The following ATP1A4 variants were observed in gnomAD, a reference collection of about 807,000 sequenced individuals.
ATP1A4 encodes the protein ATPase Na+/K+ transporting subunit alpha 4, also known as sodium/potassium-transporting ATPase subunit alpha-4.
ATP1A4 carries 90 observed loss-of-function variants against 114.3 expected under a neutral mutation model. That is an observed-to-expected ratio of 0.79 (90% CI 0.66 to 0.94). The LOEUF (loss-of-function observed/expected upper bound fraction) is 0.94. Among genes scored for constraint, ATP1A4 ranks in the 40% least tolerant of loss-of-function variants. The probability of loss-of-function intolerance (pLI) is 0.00; values close to 1 mark genes in which losing one functional copy is unlikely to be tolerated. For synonymous variants in ATP1A4, 511 were observed against 494.1 expected, an observed-to-expected ratio of 1.03 and a Z score of -0.45; for missense variants, 1,222 against 1,313.6, an observed-to-expected ratio of 0.93 and a Z score of 1.08.
At chr1:160,177,252 T>C (rs1653501529) in intron 17 of ATP1A4, among the ~76,000 whole-genome samples, 2 of 152,198 alleles carry the variant, frequency 1.3e-5, no homozygotes, top group African/African-American at 2.4e-5. Context: ...CAGTGGCCTC[T>C]AAAGTCCTTT....
intron 18 of ATP1A4, among the ~76,000 whole-genome samples, chr1:160,180,405 CT>C (rs5778155): frequency 0.37 from 56,140 of 151,930 alleles, 11,388 homozygotes; most frequent in East Asian, 0.72. Flanking sequence ...AAAACAGAAG[CT>C]TTTTCTCTCC....
rs777007153 is a variant in ATP1A4, at chr1:160,152,194, C to A, written c.147+7C>A. On this transcript the variant is annotated splice_region_variant and intron_variant, in intron 1 of 21. Coordinates refer to ENST00000368081, the MANE Select transcript of ATP1A4 (RefSeq NM_144699.4). ...GAAGAAGGAAGTGGTCATGGTGAGG[C>A]CACCCAAAGTGGGCGCTGACAGCTG... is the stretch of plus-strand genomic sequence containing the variant. The A allele has an allele frequency of 1.9e-6, 3 of 1,612,108 alleles. No individual in the cohort carries two copies. Among genetic ancestry groups the A allele is most frequent in the Non-Finnish European group, 2.5e-6 (3 of 1,179,536 alleles).
rs705843 is a variant in ATP1A4 at position 160,172,324 on chromosome 1, C to T, written c.1854+567C>T. Among the ~76,000 whole-genome samples the T allele has an allele frequency of 3.1e-4, 47 of 152,130 alleles. 1 individual carries two copies. The South Asian group carries it at 9.5e-3, about 31-fold the overall frequency. On this transcript the variant is annotated intron_variant, in intron 12 of 21. Coordinates refer to ENST00000368081, the MANE Select transcript of ATP1A4 (RefSeq NM_144699.4). Reference sequence around the variant, plus strand: ...GCGGTAAAAGGGTGAGGCTAGGAGGCCTGGGGCTCTGGACCAGGCAATAGT... The same window carrying T: ...GCGGTAAAAGGGTGAGGCTAGGAGGTCTGGGGCTCTGGACCAGGCAATAGT...
In ATP1A4 at chr1:160,171,304, G is replaced by A. The variant is rs765819014; in HGVS notation, c.1545G>A (p.Lys515=). 8.1e-6 allele frequency: 13 copies of A among 1,614,102 alleles called. No individual in the cohort carries two copies. The highest frequency in any genetic ancestry group is 3.3e-5 in the Admixed American group (2 of 60,002). Reference sequence around the variant, plus strand: ...CCCAGACCCACGTACTGATGATGAAGGGTGCTCCGGAGAGGATCTTGGAGT... The same window carrying A: ...CCCAGACCCACGTACTGATGATGAAAGGTGCTCCGGAGAGGATCTTGGAGT... ...DSSQTHVLMM[K]GAPERILEFC... Residue 515 remains lysine, a synonymous_variant, in exon 11 of 22, where the codon AAG becomes AAA. Coordinates refer to ENST00000368081, the MANE Select transcript of ATP1A4 (RefSeq NM_144699.4).
intron 6 of ATP1A4, among the ~76,000 whole-genome samples, chr1:160,163,387 A>G (rs7554223): frequency 0.051 from 7,827 of 152,278 alleles, 552 homozygotes; most frequent in African/African-American, 0.16. Flanking sequence ...GACCCCAGTC[A>G]CAAGTCCTAG....
At chr1:160,183,712 C>T (rs1653785769) in intron 20 of ATP1A4, among the ~76,000 whole-genome samples, 1 of 152,182 alleles carries the variant, frequency 6.6e-6, no homozygotes, top group Non-Finnish European at 1.5e-5. Flanking sequence ...GTGCTTTTGA[C>T]ATATGAGACT....
chr1:160,180,919 T>C (rs1157691065), intron 18 of ATP1A4, among the ~76,000 whole-genome samples: 1 of 151,952 alleles, frequency 6.6e-6, no homozygotes, highest in East Asian at 1.9e-4. Context: ...TTTCATTGTG[T>C]TAGCCAGGAT....
At chr1:160,186,237 C>T in intron 20 of ATP1A4, 39 bp from the exon 21 acceptor site, 1 of 1,424,216 alleles carries the variant, frequency 7.0e-7, no homozygotes, top group South Asian at 1.1e-5. Context: ...TCTGGCATCT[C>T]TCTCTCCTGC....
chr1:160,160,075 T>C (rs1156747941), intron 6 of ATP1A4, among the ~76,000 whole-genome samples: 1 of 152,166 alleles, frequency 6.6e-6, no homozygotes, highest in Non-Finnish European at 1.5e-5. Flanking sequence ...AAAGTGGTAA[T>C]AAAAAGGGAC....
chr1:160,166,900 G>C (rs1653059798), intron 8 of ATP1A4, 68 bp from the exon 9 acceptor site: 2 of 1,545,454 alleles, frequency 1.3e-6, no homozygotes, highest in Non-Finnish European at 1.8e-6. Context: ...GTGCCAAAGA[G>C]GATGTGAATA....
intron 6 of ATP1A4, 43 bp from the exon 7 acceptor site, chr1:160,164,113 T>C (rs1652949089): frequency 6.2e-7 from 1 of 1,600,498 alleles, no homozygotes; most frequent in Non-Finnish European, 8.5e-7. Flanking sequence ...ATACTTCTTA[T>C]CATATCACAA....
chr1:160,158,772 T>C (rs925476253), intron 4 of ATP1A4, among the ~76,000 whole-genome samples: 4 of 152,148 alleles, frequency 2.6e-5, no homozygotes, highest in African/African-American at 7.2e-5. Flanking sequence ...GGTAGAGAGA[T>C]AGACTCCACC....
At chr1:160,171,530 GA>G in intron 11 of ATP1A4, 54 bp from the exon 12 acceptor site, 1 of 1,599,918 alleles carries the variant, frequency 6.3e-7, no homozygotes, top group South Asian at 1.1e-5. Context: ...GGGGTAAGCA[GA>G]TAGGAATGTA....
At chr1:160,167,556 C>T (rs1653086202) in intron 10 of ATP1A4, 144 bp downstream of exon 10, 2 of 1,137,316 alleles carry the variant, frequency 1.8e-6, no homozygotes, top group Non-Finnish European at 2.5e-6. Flanking sequence ...ACGGAAGACT[C>T]ACATCAAGAG....
At chr1:160,182,857 G>A (rs566134723) in intron 20 of ATP1A4, 12 of 152,238 alleles carry the variant, frequency 7.9e-5, no homozygotes, top group Admixed American at 5.9e-4. Flanking sequence ...ATTTTTAGTA[G>A]AGACGTGGTT....
At chr1:160,169,137 C>A (rs542564106) in intron 10 of ATP1A4, among the ~76,000 whole-genome samples, 3 of 152,234 alleles carry the variant, frequency 2.0e-5, no homozygotes, top group Non-Finnish European at 4.4e-5. Flanking sequence ...CAAGCTCTGG[C>A]AGGCACTTGT....
chr1:160,181,555 C>CAA (rs36029758), intron 18 of ATP1A4, 129 bp from the exon 19 acceptor site: 758 of 816,568 alleles, frequency 9.3e-4, no homozygotes, highest in Non-Finnish European at 1.0e-3. Context: ...GACTTAGTCT[C>CAA]AAAAAAAAAA....
intron 20 of ATP1A4, among the ~76,000 whole-genome samples, chr1:160,184,157 T>C (rs1174590187): frequency 6.6e-6 from 1 of 152,092 alleles, no homozygotes; most frequent in African/African-American, 2.4e-5. Context: ...TTCTTCATGT[T>C]GGTCAGGCTG....
rs55860376 is a variant in ATP1A4 at position 160,174,570 on chromosome 1, C to T, written c.2143-9C>T. 3.1e-6 allele frequency: 5 copies of T among 1,611,834 alleles called. No individual in the cohort carries two copies. The highest frequency in any genetic ancestry group is 4.2e-6 in the Non-Finnish European group (5 of 1,178,246). On this transcript the variant is annotated splice_polypyrimidine_tract_variant and intron_variant, in intron 14 of 21. Coordinates refer to ENST00000368081, the MANE Select transcript of ATP1A4 (RefSeq NM_144699.4). ...AAATTGTTCACTCTCTCTGTCTGGACTTCCTCAGGGAGCCGTTGTGGCCGT... is the reference window on the plus strand; with the variant it reads ...AAATTGTTCACTCTCTCTGTCTGGATTTCCTCAGGGAGCCGTTGTGGCCGT...
Sources: allele counts gnomAD v4.1 joint callset (sites outside exome capture counted in the v4.1 genomes callset), GRCh38; gene constraint gnomAD v4.1.1; transcripts MANE v1.5; gene names NCBI Gene and HGNC (gene_info 2026-07-23, HGNC 2026-07-21).